Variants in ELOC observed in about 807,000 individuals in gnomAD.
ELOC encodes the protein elongin C, also known as elongin-C.
For missense variants in ELOC, 38 were observed against 139.0 expected (o/e 0.27, Z 3.65); for synonymous variants, 40 against 51.3 (o/e 0.78, Z 0.94).
At chr8:73,952,632 T>G (rs528725564) in intron 3 of ELOC, among the ~76,000 whole-genome samples, 2 of 150,146 alleles carry the variant, frequency 1.3e-5, no homozygotes, top group African/African-American at 4.9e-5. Context: ...TACAAAAAAA[T>G]TAGCTGGGTG....
In ELOC at chr8:73,953,651, ACT is replaced by A. The variant is rs778025676; in HGVS notation, c.148+2258_148+2259del. ...CTGCAGCCTGGGCAACGAGAGTGAA[ACT>A]CTGTCTCAAAAAAAAAAAACCAAAA... is the stretch of plus-strand genomic sequence containing the variant. On this transcript the variant is annotated intron_variant, in intron 3 of 3. Coordinates refer to ENST00000520242, the MANE Select transcript of ELOC (RefSeq NM_005648.4). 5.7e-4 allele frequency among the ~76,000 whole-genome samples: 86 copies of A among 151,408 alleles called. 1 individual carries two copies. The highest frequency in any genetic ancestry group is 9.7e-4 in the Non-Finnish European group (66 of 67,884).
intron 1 of ELOC, among the ~76,000 whole-genome samples, chr8:73,968,480 A>T (rs1273870855): frequency 6.6e-6 from 1 of 152,256 alleles, no homozygotes; most frequent in Non-Finnish European, 1.5e-5. Context: ...TTTTAAAATT[A>T]TAAGCAGATA....
Position 73,946,461 on chromosome 8 carries a change from CA to C in ELOC, c.*168del. 1 of 492,362 alleles carries C rather than the reference CA, an allele frequency of 2.0e-6. No individual in the cohort carries two copies. The highest frequency in any genetic ancestry group is 3.5e-6 in the Non-Finnish European group (1 of 289,606). The allele number at this position is 492,362 out of a possible 1,614,324, so 30.5% of individuals were successfully genotyped here. On this transcript the variant is annotated 3_prime_UTR_variant, in exon 4 of 4. Coordinates refer to ENST00000520242, the MANE Select transcript of ELOC (RefSeq NM_005648.4). Reference sequence around the variant, plus strand: ...GTCCTTAATTTGTTGATGTAGCAAACAAATTTCAACTTTGATTGCTATGCAA... The same window carrying C: ...GTCCTTAATTTGTTGATGTAGCAAACAATTTCAACTTTGATTGCTATGCAA...
At position 73,945,140 on chromosome 8, in the gene ELOC, GAC is replaced by G. The variant is rs1425543546; in HGVS notation, c.*1488_*1489del. On this transcript the variant is annotated 3_prime_UTR_variant, in exon 4 of 4. Transcript: ENST00000520242. Reference sequence around the variant, plus strand: ...TTTTTTTTTTTTTTTTTTTTTTTGAGACAGTCTCGCTCTGTCACCCAGGCTGG... The same window carrying G: ...TTTTTTTTTTTTTTTTTTTTTTTGAGAGTCTCGCTCTGTCACCCAGGCTGG... The G allele has an allele frequency of 2.1e-5, 2 of 97,268 alleles. No individual in the cohort carries two copies. The highest frequency in any genetic ancestry group is 3.7e-4 in the South Asian group (1 of 2,734). 6.0% of individuals were successfully genotyped at this position (97,268 alleles called of 1,614,324 possible). A position where few individuals can be genotyped will look rare whatever the true frequency, so the allele number is the denominator to read the frequency against.
At chr8:73,957,189 T>G (rs1814251491) in intron 2 of ELOC, among the ~76,000 whole-genome samples, 1 of 149,806 alleles carries the variant, frequency 6.7e-6, no homozygotes, top group South Asian at 2.1e-4. Context: ...AAAAAAAAAG[T>G]ATGCATTTAA....
intron 3 of ELOC, among the ~76,000 whole-genome samples, chr8:73,951,246 T>C (rs1306639957): frequency 2.0e-5 from 3 of 152,306 alleles, no homozygotes; most frequent in African/African-American, 2.4e-5. Context: ...CACTCCAGCC[T>C]GTGAGATAGA....
intron 2 of ELOC, among the ~76,000 whole-genome samples, chr8:73,958,918 T>C (rs1814397483): frequency 6.6e-6 from 1 of 152,206 alleles, no homozygotes; most frequent in Non-Finnish European, 1.5e-5. Flanking sequence ...AGAGTGTATT[T>C]ACACCTAGGC....
chr8:73,949,490 T>C (rs1482920758), intron 3 of ELOC, among the ~76,000 whole-genome samples: 1 of 152,238 alleles, frequency 6.6e-6, no homozygotes, highest in Non-Finnish European at 1.5e-5. Context: ...ATCCCTTCTA[T>C]TTAGTTCCAA....
At chr8:73,963,232 T>C (rs1007932843) in intron 1 of ELOC, among the ~76,000 whole-genome samples, 2 of 152,218 alleles carry the variant, frequency 1.3e-5, no homozygotes, top group South Asian at 2.1e-4. Context: ...TGAAATTAAG[T>C]GTTGAATCTA....
At chr8:73,967,381 A>G (rs1293054689) in intron 1 of ELOC, among the ~76,000 whole-genome samples, 1 of 152,196 alleles carries the variant, frequency 6.6e-6, no homozygotes, top group Non-Finnish European at 1.5e-5. Context: ...GCAGCCACAG[A>G]CAAGATGTAA....
At chr8:73,961,095 T>C (rs961367878) in intron 1 of ELOC, among the ~76,000 whole-genome samples, 3 of 152,242 alleles carry the variant, frequency 2.0e-5, no homozygotes, top group Non-Finnish European at 2.9e-5. Flanking sequence ...GTACAAGTTT[T>C]TGAGAAATTA....
chr8:73,964,093 C>CAAA (rs61094442), intron 1 of ELOC, among the ~76,000 whole-genome samples: 42,462 of 80,018 alleles, frequency 0.53, 12,515 homozygotes, highest in East Asian at 0.67. Flanking sequence ...AATTCCGTCT[C>CAAA]AAAAAAAAAA....
At chr8:73,968,353 C>A (rs990985970) in intron 1 of ELOC, among the ~76,000 whole-genome samples, 1 of 152,194 alleles carries the variant, frequency 6.6e-6, no homozygotes, top group African/African-American at 2.4e-5. Context: ...GAGTCGCCCT[C>A]CCACAACACA....
chr8:73,965,763 C>T (rs1207545000), intron 1 of ELOC, among the ~76,000 whole-genome samples: 4 of 152,156 alleles, frequency 2.6e-5, no homozygotes, highest in Non-Finnish European at 5.9e-5. Context: ...GATATCATCA[C>T]TCTAGGATGG....
chr8:73,965,322 CTG>C (rs1052539572), intron 1 of ELOC, among the ~76,000 whole-genome samples: 3 of 152,140 alleles, frequency 2.0e-5, no homozygotes, highest in Admixed American at 2.0e-4. Context: ...ATTAAAAAGA[CTG>C]TGAACATTAA....
At chr8:73,955,659 C>A in intron 3 of ELOC, 1 of 429,930 alleles carries the variant, frequency 2.3e-6, no homozygotes, top group Non-Finnish European at 4.2e-6. Context: ...GTAATTCCAG[C>A]TACTCTGAGG....
intron 1 of ELOC, among the ~76,000 whole-genome samples, chr8:73,965,704 T>C (rs949481167): frequency 1.3e-5 from 2 of 152,170 alleles, no homozygotes; most frequent in Non-Finnish European, 2.9e-5. Context: ...AAAGCTAGAA[T>C]TTTAAAAAAA....
At chr8:73,971,739 G>A (rs1007999003) in intron 1 of ELOC, 2 of 152,114 alleles carry the variant, frequency 1.3e-5, no homozygotes, top group Admixed American at 1.3e-4. Flanking sequence ...AATCTGAGCG[G>A]ACACGAGGAA....
chr8:73,955,990 T>C lies in ELOC; in HGVS notation c.69A>G (p.Ser23=), dbSNP rs372308325. ...TTACAATAAATTCATGGCCATCAGATGATATCAATTTGACATACATGGCAT... is the reference window on the plus strand; with the variant it reads ...TTACAATAAATTCATGGCCATCAGACGATATCAATTTGACATACATGGCAT... ...GPDAMYVKLI[S]SDGHEFIVKR... Residue 23 remains serine, a synonymous_variant, in exon 3 of 4, where the codon TCA becomes TCG. Coordinates refer to ENST00000520242, the MANE Select transcript of ELOC (RefSeq NM_005648.4). The C allele has an allele frequency of 7.4e-6, 12 of 1,613,838 alleles. No homozygotes were observed. The African/African-American group carries it at 1.5e-4, about 20-fold the overall frequency.
Sources: allele counts gnomAD v4.1 joint callset (sites outside exome capture counted in the v4.1 genomes callset), GRCh38; gene constraint gnomAD v4.1.1; transcripts MANE v1.5; gene names NCBI Gene and HGNC (gene_info 2026-07-23, HGNC 2026-07-21).